Variants in TTLL7 observed in about 807,000 individuals in gnomAD.
TTLL7 encodes tubulin polyglutamylase TTLL7.
In TTLL7, 53 loss-of-function variants were observed where a neutral mutation model predicts 120.2. That is an observed-to-expected ratio of 0.44 (90% CI 0.35 to 0.55). The LOEUF (loss-of-function observed/expected upper bound fraction) is 0.55. Ranked by LOEUF, TTLL7 falls within the 20% of genes least tolerant of loss-of-function variation. The pLI is 0.00. For synonymous variants in TTLL7, 353 were observed against 351.7 expected (o/e 1.00, Z -0.04); for missense variants, 803 against 1,054.7 (o/e 0.76, Z 3.31).
Position 83,882,972 on chromosome 1 carries a change from C to T in TTLL7, c.2534G>A (p.Gly845Asp), listed in dbSNP as rs1284134530. The part of the protein sequence containing the change: ...GSLSGIGPDW[G>D]NSRYLLPGST... ...GAATGTGAACAAGTACCTGGAATTACCCCAGTCAGGACCAATGCCTGAAAG... is the reference window on the plus strand; with the variant it reads ...GAATGTGAACAAGTACCTGGAATTATCCCAGTCAGGACCAATGCCTGAAAG... The change falls in exon 20 of 21, where the codon GGT (glycine) becomes GAT (aspartate). Residue 845 changes from glycine (G) to aspartate (D), a missense_variant. Physicochemically the swap from Gly to Asp is moderately conservative, Grantham distance 94. Around this residue, in one of 3 missense-constraint regions of TTLL7, gnomAD observed 388 missense variants for 450.4 expected, o/e 0.86. Coordinates refer to ENST00000260505, the MANE Select transcript of TTLL7 (RefSeq NM_024686.6). 1 of 1,610,944 alleles carries T rather than the reference C, an allele frequency of 6.2e-7. No homozygotes were observed. Among genetic ancestry groups the T allele is most frequent in the Non-Finnish European group, 8.5e-7 (1 of 1,178,526 alleles).
intron 7 of TTLL7, among the ~76,000 whole-genome samples, chr1:83,941,490 G>T (rs1424402501): frequency 6.6e-6 from 1 of 151,902 alleles, no homozygotes; most frequent in Non-Finnish European, 1.5e-5. Context: ...TTCTTCCTTT[G>T]CCAGGTTTAC....
rs1354797361 is a variant in TTLL7, at chr1:83,907,616, T to G, written c.1832A>C (p.Gln611Pro). 6.2e-7 allele frequency: 1 copy of G among 1,612,992 alleles called. No homozygotes were observed. The highest frequency in any genetic ancestry group is 1.7e-5 in the Admixed American group (1 of 59,830). The change falls in exon 16 of 21, where the codon CAA (glutamine) becomes CCA (proline). Residue 611 changes from glutamine (Q) to proline (P), a missense_variant. This residue lies in a region of TTLL7 where 388 missense variants were observed against 450.4 expected (regional missense o/e 0.86). Coordinates refer to ENST00000260505, the MANE Select transcript of TTLL7 (RefSeq NM_024686.6). The stretch of plus-strand genomic sequence containing the variant: ...GCGGGTGTCCCCACTGGAAGGTGAT[T>G]GAGCAGAGATGGACCGAGGGCAGCT... ...SVSCPRSISA[Q>P]SPSSGDTRPF... is the part of the protein sequence containing the mutation.
At chr1:83,963,931 A>G (rs908704816) in intron 1 of TTLL7, among the ~76,000 whole-genome samples, 1 of 152,160 alleles carries the variant, frequency 6.6e-6, no homozygotes, top group Non-Finnish European at 1.5e-5. Context: ...ATCCATATGG[A>G]AAAAAGCAAA....
At chr1:83,991,800 A>T (rs947762633) in intron 1 of TTLL7, among the ~76,000 whole-genome samples, 3 of 152,090 alleles carry the variant, frequency 2.0e-5, no homozygotes, top group Non-Finnish European at 4.4e-5. Flanking sequence ...TTACTTGGAG[A>T]TCTAAATCAC....
Position 83,866,426 on chromosome 1 carries a change from GAC to G in TTLL7, c.*3534_*3535del, listed in dbSNP as rs1257999930. 6.6e-6 allele frequency: 1 copy of G among 151,652 alleles called. No homozygotes were observed. The highest frequency in any genetic ancestry group is 1.5e-5 in the Non-Finnish European group (1 of 67,744). 9.4% of individuals were successfully genotyped at this position (151,652 alleles called of 1,614,324 possible). A position where few individuals can be genotyped will look rare whatever the true frequency, so the allele number is the denominator to read the frequency against. On this transcript the variant is annotated 3_prime_UTR_variant, in exon 21 of 21. Transcript: ENST00000260505. Reference sequence around the variant, plus strand: ...ACTCATATATTTTACAAATTAAAAAGACAGTTAAAATGAAATCTTTTTATTGA... The same window carrying G: ...ACTCATATATTTTACAAATTAAAAAGAGTTAAAATGAAATCTTTTTATTGA...
intron 1 of TTLL7, among the ~76,000 whole-genome samples, chr1:83,972,777 C>T (rs1008599197): frequency 1.3e-5 from 2 of 152,008 alleles, no homozygotes; most frequent in Non-Finnish European, 2.9e-5. Context: ...CCAAGACGTA[C>T]GTAGTGGCAT....
chr1:83,893,420 G>C (rs1655951579), intron 18 of TTLL7, among the ~76,000 whole-genome samples: 1 of 151,942 alleles, frequency 6.6e-6, no homozygotes, highest in Non-Finnish European at 1.5e-5. Flanking sequence ...CTAATATTCT[G>C]ATCTCCATTC....
chr1:83,958,250 T>A (rs1649701499), intron 1 of TTLL7, among the ~76,000 whole-genome samples: 1 of 152,170 alleles, frequency 6.6e-6, no homozygotes, highest in Non-Finnish European at 1.5e-5. Flanking sequence ...ACAATGATAT[T>A]GAAAAACAAG....
At chr1:83,914,398 C>A (rs1657940651) in intron 14 of TTLL7, among the ~76,000 whole-genome samples, 1 of 121,138 alleles carries the variant, frequency 8.3e-6, no homozygotes, top group Non-Finnish European at 1.6e-5. Flanking sequence ...GTGGCGCGAT[C>A]TTGGCTCATT....
intron 1 of TTLL7, among the ~76,000 whole-genome samples, chr1:83,983,280 G>A (rs577999720): frequency 6.6e-5 from 10 of 152,152 alleles, no homozygotes; most frequent in South Asian, 2.1e-4. Context: ...GCAGTGAGCC[G>A]AGATCACGCC....
chr1:83,963,907 T>C (rs964068720), intron 1 of TTLL7, among the ~76,000 whole-genome samples: 1 of 152,120 alleles, frequency 6.6e-6, no homozygotes, highest in Non-Finnish European at 1.5e-5. Context: ...ACAAGAATCA[T>C]GCAAGTTTAG....
chr1:83,991,869 C>T lies in TTLL7; in HGVS notation c.-177+7062G>A, dbSNP rs961077549. Among the ~76,000 whole-genome samples, 17 of 152,196 alleles carry T rather than the reference C, an allele frequency of 1.1e-4. No individual in the cohort carries two copies. The East Asian group carries it at 1.7e-3, about 16-fold the overall frequency. On this transcript the variant is annotated intron_variant, in intron 1 of 20. Transcript: ENST00000260505. ...AATTTTATTCCCAGTAGAAGCTACA[C>T]TTGAGGACCTTCACACATCCTATGT...
In TTLL7 at chr1:83,933,692, T is replaced by C; in HGVS notation, c.963A>G (p.Gln321=). 6.2e-7 allele frequency: 1 copy of C among 1,613,556 alleles called. No individual in the cohort carries two copies. The highest frequency in any genetic ancestry group is 1.7e-4 in the Middle Eastern group (1 of 6,056). ...AGCAGACACTTTCGCTTCCTGGAGG[T>C]TGACCAGGTCTACACATTCGATAGG... The part of the protein sequence containing the change: ...LHAYRMCRPG[Q]PPGSESVCFE... The change falls in exon 9 of 21, where the codon CAA becomes CAG. Residue 321 remains glutamine, a synonymous_variant. Transcript: ENST00000260505.
chr1:83,932,870 C>T (rs1277198272), intron 9 of TTLL7, among the ~76,000 whole-genome samples: 2 of 152,088 alleles, frequency 1.3e-5, no homozygotes, highest in African/African-American at 4.8e-5. Flanking sequence ...TTAAAGGGAA[C>T]TGCTGGATGG....
At chr1:83,915,531 T>C (rs1227869870) in intron 14 of TTLL7, among the ~76,000 whole-genome samples, 2 of 152,042 alleles carry the variant, frequency 1.3e-5, no homozygotes, top group African/African-American at 4.8e-5. Flanking sequence ...CCTAAAACCA[T>C]AAAAACCCTA....
rs542221180 is a variant in TTLL7, at chr1:83,945,399, C to T, written c.506+1725G>A. On this transcript the variant is annotated intron_variant, in intron 6 of 20. Transcript: ENST00000260505. ...TATAATGATTTTTTAAAAGTCAATG[C>T]CTCAAAAATATGTAACAATTGGAAA... Among the ~76,000 whole-genome samples the T allele has an allele frequency of 2.6e-5, 4 of 152,148 alleles. No individual in the cohort carries two copies. In the South Asian group the frequency reaches 8.3e-4, roughly 32 times the overall value.
At chr1:83,990,875 C>T (rs1652932033) in intron 1 of TTLL7, among the ~76,000 whole-genome samples, 1 of 152,156 alleles carries the variant, frequency 6.6e-6, no homozygotes, top group Non-Finnish European at 1.5e-5. Context: ...ACAGCACAGT[C>T]TTGAAGAGGT....
intron 19 of TTLL7, among the ~76,000 whole-genome samples, chr1:83,886,899 A>G (rs1029966355): frequency 3.3e-5 from 5 of 152,054 alleles, no homozygotes; most frequent in Non-Finnish European, 7.4e-5. Context: ...TATCCCAGTA[A>G]AACATGGTAG....
intron 1 of TTLL7, among the ~76,000 whole-genome samples, chr1:83,984,566 C>T (rs2100620199): frequency 6.6e-6 from 1 of 152,314 alleles, no homozygotes; most frequent in East Asian, 1.9e-4. Context: ...CAATGTGGTA[C>T]ATATACACAT....
Sources: gnomAD v4.1 joint callset for allele counts (sites outside exome capture counted in the v4.1 genomes callset) on GRCh38, gnomAD v4.1.1 for gene constraint, gnomAD v4.1.1 regional missense constraint, MANE v1.5 for transcripts, NCBI Gene and HGNC (gene_info 2026-07-23, HGNC 2026-07-21) for gene names.